GRID2: variants seen among roughly 807,000 people sequenced by gnomAD.
The protein encoded by GRID2 is glutamate receptor ionotropic, delta-2.
A neutral mutation model predicts 114.8 loss-of-function variants in GRID2; 33 were observed. That is an observed-to-expected ratio of 0.29 (90% confidence interval 0.22 to 0.38). GRID2 has a LOEUF of 0.38. GRID2 is among the 10% of genes least tolerant of loss of function. The probability of loss-of-function intolerance (pLI) is 1.00; values close to 1 mark genes in which losing one functional copy is unlikely to be tolerated. For missense variants in GRID2, 1,184 were observed against 1,257.7 expected, an observed-to-expected ratio of 0.94 and a Z score of 0.89; for synonymous variants, 505 against 449.9, an observed-to-expected ratio of 1.12 and a Z score of -1.55.
Position 92,578,495 on chromosome 4 carries a change from G to A in GRID2, c.89-11636G>A, listed in dbSNP as rs1229772461. On this transcript the variant is annotated intron_variant, in intron 1 of 15. Coordinates refer to ENST00000282020, the MANE Select transcript of GRID2 (RefSeq NM_001510.4). ...AATTATTAAAAGATAGAGCCTCTCA[G>A]GTCTGGCTGCCTAAAGCTTGAAAAG... is the stretch of plus-strand genomic sequence containing the variant. 9.2e-5 allele frequency among the ~76,000 whole-genome samples: 14 copies of A among 151,862 alleles called. No individual in the cohort carries two copies. The East Asian group carries it at 2.5e-3, about 27-fold the overall frequency.
chr4:93,395,567 C>A, intron 8 of GRID2, 40 bp from the exon 9 acceptor site: 1 of 880,826 alleles, frequency 1.1e-6, no homozygotes, highest in Non-Finnish European at 1.9e-6. Flanking sequence ...TGGGACTGTT[C>A]TTCAGGCAGA....
chr4:93,779,813 G>A (rs1322903951), intron 1 of GRID2, among the ~76,000 whole-genome samples: 1 of 152,184 alleles, frequency 6.6e-6, no homozygotes, highest in Non-Finnish European at 1.5e-5. Flanking sequence ...ATGTTCAGAG[G>A]CACAGTAGAC....
chr4:93,788,116 A>T (rs2110356291), intron 1 of GRID2, among the ~76,000 whole-genome samples: 1 of 152,256 alleles, frequency 6.6e-6, no homozygotes, highest in East Asian at 1.9e-4. Context: ...CAGGAGTTCA[A>T]GACCAGCCTG....
chr4:93,292,766 C>T (rs1361497989), intron 8 of GRID2, among the ~76,000 whole-genome samples: 1 of 152,176 alleles, frequency 6.6e-6, no homozygotes, highest in African/African-American at 2.4e-5. Context: ...ATTACTGAAA[C>T]ATAAAGTTTG....
chr4:93,482,647 C>G (rs1725990286), intron 11 of GRID2, among the ~76,000 whole-genome samples: 2 of 151,958 alleles, frequency 1.3e-5, no homozygotes, highest in Middle Eastern at 6.8e-3. Context: ...CACATGTATA[C>G]CTATGTAACA....
chr4:93,245,023 A>C (rs2149522389), intron 8 of GRID2, among the ~76,000 whole-genome samples: 1 of 152,228 alleles, frequency 6.6e-6, no homozygotes, highest in African/African-American at 2.4e-5. Flanking sequence ...AGGTTTATAT[A>C]ATAGAGAGAA....
intron 2 of GRID2, among the ~76,000 whole-genome samples, chr4:92,698,703 A>T (rs1442330404): frequency 6.6e-6 from 1 of 151,962 alleles, no homozygotes; most frequent in Non-Finnish European, 1.5e-5. Context: ...TAAATATATT[A>T]TTTTAAAAAT....
At chr4:93,154,684 G>A (rs888945112) in intron 4 of GRID2, among the ~76,000 whole-genome samples, 2 of 151,706 alleles carry the variant, frequency 1.3e-5, no homozygotes, top group African/African-American at 4.8e-5. Context: ...GGCATTTAAT[G>A]AGTATTTGTG....
intron 1 of GRID2, among the ~76,000 whole-genome samples, chr4:92,368,460 C>T (rs111491849): frequency 2.5e-4 from 38 of 152,062 alleles, no homozygotes; most frequent in South Asian, 4.2e-4. Flanking sequence ...AATGGCTCAA[C>T]GACACAATAA....
At chr4:92,700,424 G>T (rs143284207) in intron 2 of GRID2, among the ~76,000 whole-genome samples, 100 of 152,204 alleles carry the variant, frequency 6.6e-4, no homozygotes, top group African/African-American at 2.3e-3. Context: ...GACTATCCTA[G>T]GGGTACAATG....
chr4:92,590,072 C>T (rs1728634735), intron 1 of GRID2, 59 bp from the exon 2 acceptor site: 1 of 1,150,420 alleles, frequency 8.7e-7, no homozygotes, highest in Non-Finnish European at 1.3e-6. Flanking sequence ...GTCATATTTC[C>T]AGAGGGGATG....
intron 2 of GRID2, among the ~76,000 whole-genome samples, chr4:93,012,684 A>C (rs533711735): frequency 6.6e-6 from 1 of 151,798 alleles, no homozygotes; most frequent in South Asian, 2.1e-4. Flanking sequence ...ATAAAAAAAA[A>C]CCTGTGCTAT....
At position 93,417,697 on chromosome 4, in the gene GRID2, G is replaced by A. The variant is rs115753829; in HGVS notation, c.1348-5074G>A. ...ACCCATTTTTGAATGTTATGTAAAT[G>A]GAATCAAAATCTGCTTTCTTTGGCT... On this transcript the variant is annotated intron_variant, in intron 9 of 15. Transcript: ENST00000282020. Among the ~76,000 whole-genome samples, 651 of 151,838 alleles carry A rather than the reference G, an allele frequency of 4.3e-3. 5 individuals carry two copies. The highest frequency in any genetic ancestry group is 0.015 in the African/African-American group (608 of 41,440).
intron 12 of GRID2, among the ~76,000 whole-genome samples, chr4:93,501,304 T>TAGG (rs1728080469): frequency 6.6e-6 from 1 of 151,998 alleles, no homozygotes; most frequent in South Asian, 2.1e-4. Context: ...AGTCTTCCAG[T>TAGG]AGGAGTCTTT....
chr4:92,964,797 T>A (rs1246640074), intron 2 of GRID2, among the ~76,000 whole-genome samples: 4 of 152,024 alleles, frequency 2.6e-5, no homozygotes, highest in African/African-American at 9.7e-5. Context: ...TTCCTTAGAT[T>A]TTGCTTTGGC....
intron 12 of GRID2, among the ~76,000 whole-genome samples, chr4:93,511,919 T>C (rs1322333820): frequency 6.6e-6 from 1 of 151,996 alleles, no homozygotes; most frequent in Non-Finnish European, 1.5e-5. Flanking sequence ...GTATCTGGGA[T>C]TACAGGTGCA....
At chr4:92,541,540 G>A (rs1725953882) in intron 1 of GRID2, among the ~76,000 whole-genome samples, 1 of 151,826 alleles carries the variant, frequency 6.6e-6, no homozygotes, top group South Asian at 2.1e-4. Context: ...CAAATTTATA[G>A]CAATCTATGT....
intron 2 of GRID2, among the ~76,000 whole-genome samples, chr4:92,687,551 C>T (rs752520518): frequency 5.9e-5 from 9 of 152,046 alleles, no homozygotes; most frequent in Non-Finnish European, 1.0e-4. Context: ...TTATTGGGGC[C>T]GGGCATGGTG....
chr4:92,896,100 A>C (rs1467677059), intron 2 of GRID2, among the ~76,000 whole-genome samples: 1 of 152,234 alleles, frequency 6.6e-6, no homozygotes, highest in East Asian at 1.9e-4. Flanking sequence ...TGCCATGCCT[A>C]TGTAAGTATA....
Sources: gnomAD v4.1 joint callset for allele counts (sites outside exome capture counted in the v4.1 genomes callset) on GRCh38, gnomAD v4.1.1 for gene constraint, MANE v1.5 for transcripts, NCBI Gene and HGNC (gene_info 2026-07-23, HGNC 2026-07-21) for gene names.